Variants in CCDC9B observed in about 807,000 individuals in gnomAD.
The protein encoded by CCDC9B is coiled-coil domain-containing protein 9B.
Under a neutral mutation model 47.2 loss-of-function variants are expected in CCDC9B, and 40 were observed. The ratio of observed to expected loss-of-function variants is 0.85; its 90% confidence interval spans 0.66 to 1.10. CCDC9B has a LOEUF of 1.10. CCDC9B is among the 50% of genes least tolerant of loss of function. The probability of loss-of-function intolerance (pLI) is 0.00; values close to 1 mark genes in which losing one functional copy is unlikely to be tolerated. For missense variants in CCDC9B, 662 were observed against 651.0 expected (o/e 1.02, Z -0.18); for synonymous variants, 238 against 250.7 (o/e 0.95, Z 0.48).
rs764131688 is a variant in CCDC9B, at chr15:40,338,680, G to A, written c.388-20C>T. The A allele has an allele frequency of 2.5e-6, 4 of 1,613,452 alleles. No homozygotes were observed. The South Asian group carries it at 4.4e-5, about 18-fold the overall frequency. ...TTTGCCCTGGGGAGGATGAAGATGG[G>A]CAGTGCAGCAGAGCCAGGGAGGAAG... On this transcript the variant is annotated intron_variant, in intron 4 of 10. Transcript: ENST00000397536.
At chr15:40,336,959 G>C in intron 7 of CCDC9B, 146 bp from the exon 8 acceptor site, 1 of 699,896 alleles carries the variant, frequency 1.4e-6, no homozygotes, top group Non-Finnish European at 2.4e-6. Context: ...CTGGGGGTCA[G>C]GAGAATAGGG....
In CCDC9B at chr15:40,333,545, T is replaced by C. The variant is rs944864218; in HGVS notation, c.*1613A>G. 2.7e-5 allele frequency: 3 copies of C among 110,850 alleles called. No individual in the cohort carries two copies. Among genetic ancestry groups the C allele is most frequent in the African/African-American group, 1.2e-4 (3 of 25,330 alleles). The allele number at this position is 110,850 out of a possible 1,614,324, so 6.9% of individuals were successfully genotyped here. A position where few individuals can be genotyped will look rare whatever the true frequency, so the allele number is the denominator to read the frequency against. On this transcript the variant is annotated 3_prime_UTR_variant, in exon 11 of 11. Transcript: ENST00000397536. ...TTGTGCCACTGCACTCCAGCCTAGG[T>C]GATAACAGCAGGACCCTAACTAAAA...
rs1344485997 is a variant in CCDC9B, at chr15:40,336,646, C to A, written c.815G>T (p.Ser272Ile). 1.2e-6 allele frequency: 2 copies of A among 1,612,712 alleles called. No individual in the cohort carries two copies. Among genetic ancestry groups the A allele is most frequent in the Non-Finnish European group, 1.7e-6 (2 of 1,179,178 alleles). Residue 272 changes from serine to isoleucine, a missense_variant, in exon 9 of 11, where the codon AGC becomes ATC. Ser to Ile is a moderately radical substitution (Grantham distance 142). Coordinates refer to ENST00000397536, the MANE Select transcript of CCDC9B (RefSeq NM_207380.3). ...PDGKGRGGQA[S>I]RPSVAPATGS... ...TGTGGCTGGTGCCACCGAGGGTCTG[C>A]TGGCTTGCCCGCCCCGACCTGCAAG...
rs929350471 is a variant in CCDC9B at position 40,333,344 on chromosome 15, G to A, written c.*1814C>T. On this transcript the variant is annotated 3_prime_UTR_variant, in exon 11 of 11. Transcript: ENST00000397536. ...GCAGTTTAGGAGGCCAAGGCGAGCAGATTGCTTGAGCCCAGGAGTTGGAGA... is the reference window on the plus strand; with the variant it reads ...GCAGTTTAGGAGGCCAAGGCGAGCAAATTGCTTGAGCCCAGGAGTTGGAGA... The A allele has an allele frequency of 3.9e-5, 6 of 152,066 alleles. No individual in the cohort carries two copies. Among genetic ancestry groups the A allele is most frequent in the African/African-American group, 1.5e-4 (6 of 41,350 alleles). The allele number at this position is 152,066 out of a possible 1,614,324, so 9.4% of individuals were successfully genotyped here.
rs751698994 is a variant in CCDC9B at position 40,332,157 on chromosome 15, G to A, written c.*3001C>T. On this transcript the variant is annotated 3_prime_UTR_variant, in exon 11 of 11. Transcript: ENST00000397536. ...ACCCAAAAGGAAGGCTCCCAGCCAG[G>A]CCTTTAAACAAAGGAGCCAGGAAGA... 1 of 152,208 alleles carries A rather than the reference G, an allele frequency of 6.6e-6. No individual in the cohort carries two copies. The highest frequency in any genetic ancestry group is 1.5e-5 in the Non-Finnish European group (1 of 68,048). 9.4% of individuals were successfully genotyped at this position (152,208 alleles called of 1,614,324 possible).
At chr15:40,338,727 A>C (rs746229193) in intron 4 of CCDC9B, 21 bp downstream of exon 4, 1 of 1,609,920 alleles carries the variant, frequency 6.2e-7, no homozygotes, top group African/African-American at 1.3e-5. Flanking sequence ...CGATGCCTGC[A>C]CTCCCCACCA....
Position 40,337,371 on chromosome 15 carries a change from G to A in CCDC9B, c.742+17C>T, listed in dbSNP as rs1159146868. Reference sequence around the variant, plus strand: ...ACAAAGCCAAGGAGGGGAGGGATGAGGTAGGTGTGGGCTCACCCCTTCTGC... The same window carrying A: ...ACAAAGCCAAGGAGGGGAGGGATGAAGTAGGTGTGGGCTCACCCCTTCTGC... On this transcript the variant is annotated intron_variant, in intron 7 of 10. Transcript: ENST00000397536. The A allele has an allele frequency of 6.2e-7, 1 of 1,611,238 alleles. No individual in the cohort carries two copies. The highest frequency in any genetic ancestry group is 8.5e-7 in the Non-Finnish European group (1 of 1,177,552).
At chr15:40,335,747 G>A (rs139041110) in intron 10 of CCDC9B, 37 bp downstream of exon 10, 18,738 of 1,600,726 alleles carry the variant, frequency 0.012, 156 homozygotes, top group Non-Finnish European at 0.014. Flanking sequence ...CAGGGCTCGC[G>A]TCCCCAGCCT....
At position 40,340,668 on chromosome 15, in the gene CCDC9B, G is replaced by T. The variant is rs1225968906; in HGVS notation, c.12+140C>A. The T allele has an allele frequency of 2.2e-5, 16 of 743,060 alleles. No individual in the cohort carries two copies. The East Asian group carries it at 3.7e-4, about 17-fold the overall frequency. The allele number at this position is 743,060 out of a possible 1,614,324, so 46.0% of individuals were successfully genotyped here. On this transcript the variant is annotated intron_variant, in intron 1 of 10. Coordinates refer to ENST00000397536, the MANE Select transcript of CCDC9B (RefSeq NM_207380.3). ...CAGGTTCCTCTCTGTCTGGATGCAG[G>T]TTCTCTGTTGTGACCCTAGTCACAG...
intron 9 of CCDC9B, 145 bp downstream of exon 9, chr15:40,336,429 C>T: frequency 7.1e-7 from 1 of 1,417,984 alleles, no homozygotes; most frequent in Non-Finnish European, 9.2e-7. Context: ...CTAATGGCCT[C>T]TCCCAGCATC....
intron 7 of CCDC9B, chr15:40,337,129 A>G: frequency 1.6e-6 from 1 of 629,416 alleles, no homozygotes; most frequent in South Asian, 1.9e-5. Flanking sequence ...AGGGACCTCA[A>G]AGAGACCCCG....
intron 7 of CCDC9B, chr15:40,337,139 G>A (rs1185593705): frequency 2.2e-5 from 14 of 636,936 alleles, no homozygotes; most frequent in East Asian, 5.4e-5. Flanking sequence ...AAGAGACCCC[G>A]GGCCGGCTTC....
Position 40,335,221 on chromosome 15 carries a change from C to T in CCDC9B, c.1410G>A (p.Arg470=), listed in dbSNP as rs555755039. The change falls in exon 11 of 11, where the codon AGG becomes AGA. Residue 470 remains arginine (R), a synonymous_variant. Coordinates refer to ENST00000397536, the MANE Select transcript of CCDC9B (RefSeq NM_207380.3). ...GCCTCACACCTGCTGTGCCTCTCGA[C>T]CTTTGGCTGCCTCCTCTCGTGGGCC... ...RSRPTRGGSQ[R]SRGTAGVRRR... The T allele has an allele frequency of 3.8e-6, 6 of 1,579,978 alleles. No individual in the cohort carries two copies. In the East Asian group the frequency reaches 6.8e-5, roughly 18 times the overall value.
Position 40,339,953 on chromosome 15 carries a change from C to A in CCDC9B, c.75G>T (p.Arg25Ser), listed in dbSNP as rs754804557. The A allele has an allele frequency of 1.2e-6, 2 of 1,613,946 alleles. No homozygotes were observed. The part of the protein sequence containing the change: ...RQEKDAELDR[R>S]IVALRKKNQA... ...GGTTCTTCTTGCGCAGGGCAACTAT[C>A]CTCCGATCCAGCTCTGCGTCCTTCT... The change falls in exon 2 of 11, where the codon AGG becomes AGT. Residue 25 changes from arginine (R) to serine (S), a missense_variant. Transcript: ENST00000397536.
Position 40,337,791 on chromosome 15 carries a change from G to C in CCDC9B, c.616C>G (p.Leu206Val). The stretch of plus-strand genomic sequence containing the variant: ...CCCTGTGCGTCTCTGTGCCGGGCGA[G>C]GCGGGCTAGGTCGATCTGCTCCCGC... ...QEREQIDLAR[L>V]ARHRDAQGDW... The change falls in exon 6 of 11, where the codon CTC (leucine) becomes GTC (valine). Residue 206 changes from leucine (L) to valine (V), a missense_variant. By Grantham distance (32) the Leu-to-Val change is conservative (BLOSUM62 1). Coordinates refer to ENST00000397536, the MANE Select transcript of CCDC9B (RefSeq NM_207380.3). The C allele has an allele frequency of 1.4e-5, 22 of 1,610,206 alleles. No individual in the cohort carries two copies. Among genetic ancestry groups the C allele is most frequent in the Non-Finnish European group, 1.9e-5 (22 of 1,179,820 alleles).
intron 10 of CCDC9B, 38 bp from the exon 11 acceptor site, chr15:40,335,738 A>G (rs1384067986): frequency 1.1e-5 from 17 of 1,593,500 alleles, no homozygotes; most frequent in Non-Finnish European, 1.4e-5. Flanking sequence ...TGATGAATCC[A>G]GGGCTCGCGT....
intron 9 of CCDC9B, 183 bp from the exon 10 acceptor site, chr15:40,336,009 G>T: frequency 1.0e-6 from 1 of 985,358 alleles, no homozygotes; most frequent in Non-Finnish European, 1.2e-6. Flanking sequence ...TCTCCCTAGA[G>T]CCCCATAGCC....
Position 40,332,921 on chromosome 15 carries a change from T to C in CCDC9B, c.*2237A>G, listed in dbSNP as rs1411400487. On this transcript the variant is annotated 3_prime_UTR_variant, in exon 11 of 11. Coordinates refer to ENST00000397536, the MANE Select transcript of CCDC9B (RefSeq NM_207380.3). Reference sequence around the variant, plus strand: ...TAGGTGTGTCTCACATACATAGGAATGTTTCCAAGCCTTTCCAAAATTCCT... The same window carrying C: ...TAGGTGTGTCTCACATACATAGGAACGTTTCCAAGCCTTTCCAAAATTCCT... 6.6e-6 allele frequency: 1 copy of C among 152,200 alleles called. No individual in the cohort carries two copies. Among genetic ancestry groups the C allele is most frequent in the Non-Finnish European group, 1.5e-5 (1 of 68,042 alleles). 9.4% of individuals were successfully genotyped at this position (152,200 alleles called of 1,614,324 possible).
intron 1 of CCDC9B, 48 bp from the exon 2 acceptor site, chr15:40,340,063 A>C: frequency 8.5e-7 from 1 of 1,181,910 alleles, no homozygotes; most frequent in South Asian, 1.3e-5. Flanking sequence ...TCCCCCTCTC[A>C]CCAGTCCCCA....
Sources: gnomAD v4.1 joint callset for allele counts on GRCh38, gnomAD v4.1.1 for gene constraint, MANE v1.5 for transcripts, NCBI Gene and HGNC (gene_info 2026-07-23, HGNC 2026-07-21) for gene names.